The following CACNB2 variants were observed in gnomAD, a reference collection of about 807,000 sequenced individuals.
The protein encoded by CACNB2 is voltage-dependent L-type calcium channel subunit beta-2.
CACNB2 carries 42 observed loss-of-function variants against 73.3 expected under a neutral mutation model. The observed-to-expected ratio is 0.57, with a 90% CI of 0.45 to 0.74. The LOEUF (loss-of-function observed/expected upper bound fraction) is 0.74, where lower values mean the gene tolerates loss of function less well. Among genes scored for constraint, CACNB2 ranks in the 30% least tolerant of loss-of-function variants. The pLI, the probability that CACNB2 is intolerant of heterozygous loss-of-function variation, is 0.00. For synonymous variants in CACNB2, 348 were observed against 310.3 expected (o/e 1.12, Z -1.28); for missense variants, 940 against 853.0 (o/e 1.10, Z -1.27).
intron 2 of CACNB2, among the ~76,000 whole-genome samples, chr10:18,154,268 A>G (rs1036083730): frequency 4.6e-5 from 7 of 151,876 alleles, no homozygotes; most frequent in Non-Finnish European, 8.8e-5. Flanking sequence ...AAAATTTGAC[A>G]TAAAGGAAAG....
intron 2 of CACNB2, among the ~76,000 whole-genome samples, chr10:18,193,020 C>G (rs1276974240): frequency 6.6e-6 from 1 of 152,094 alleles, no homozygotes; most frequent in Non-Finnish European, 1.5e-5. Context: ...AATAGAATTG[C>G]AGGGTCATGT....
intron 3 of CACNB2, among the ~76,000 whole-genome samples, chr10:18,462,794 T>C (rs928739262): frequency 5.3e-5 from 8 of 152,172 alleles, no homozygotes; most frequent in African/African-American, 1.7e-4. Context: ...AATCTCACTC[T>C]GTTGCCCAGG....
At chr10:18,276,568 G>A (rs948897820) in intron 2 of CACNB2, among the ~76,000 whole-genome samples, 2 of 150,854 alleles carry the variant, frequency 1.3e-5, no homozygotes, top group Admixed American at 6.6e-5. Context: ...AGAGCTTTGG[G>A]AGGCCAAGGC....
intron 2 of CACNB2, among the ~76,000 whole-genome samples, chr10:18,378,546 G>A (rs572946823): frequency 6.6e-6 from 1 of 152,224 alleles, no homozygotes; most frequent in East Asian, 1.9e-4. Context: ...CCCAGAAGTT[G>A]GAGACCAGCC....
intron 2 of CACNB2, among the ~76,000 whole-genome samples, chr10:18,388,507 C>A (rs1204267799): frequency 1.3e-5 from 2 of 152,128 alleles, no homozygotes; most frequent in Non-Finnish European, 2.9e-5. Context: ...TACTCCACAC[C>A]ACTGGCATTT....
chr10:18,414,424 G>A lies in CACNB2; in HGVS notation c.333+12381G>A, dbSNP rs538649083. On this transcript the variant is annotated intron_variant, in intron 3 of 13. Coordinates refer to ENST00000324631, the MANE Select transcript of CACNB2 (RefSeq NM_201596.3). The stretch of plus-strand genomic sequence containing the variant: ...TTAAGCTAGTTTTAACTTTCTTATG[G>A]GTAACAGTCACATGTTTTAAAAGGA... Among the ~76,000 whole-genome samples the A allele has an allele frequency of 4.0e-5, 6 of 151,558 alleles. No individual in the cohort carries two copies. In the East Asian group the frequency reaches 1.2e-3, roughly 29 times the overall value.
At chr10:18,186,154 G>A (rs897948060) in intron 2 of CACNB2, among the ~76,000 whole-genome samples, 11 of 152,034 alleles carry the variant, frequency 7.2e-5, no homozygotes, top group South Asian at 2.1e-4. Flanking sequence ...GCATGGTAGC[G>A]CACACCTGTA....
At chr10:18,424,283 G>A (rs2045481285) in intron 3 of CACNB2, among the ~76,000 whole-genome samples, 1 of 152,128 alleles carries the variant, frequency 6.6e-6, no homozygotes, top group South Asian at 2.1e-4. Context: ...TGCAGAGCAA[G>A]GCTACCCTGT....
chr10:18,172,459 G>T (rs2033309080), intron 2 of CACNB2, among the ~76,000 whole-genome samples: 1 of 152,154 alleles, frequency 6.6e-6, no homozygotes. Context: ...GATGCCATTT[G>T]ATTGTGTTTT....
At chr10:18,202,746 T>G (rs1188212561) in intron 2 of CACNB2, among the ~76,000 whole-genome samples, 1 of 152,238 alleles carries the variant, frequency 6.6e-6, no homozygotes, top group Non-Finnish European at 1.5e-5. Context: ...TCTTCTGTGT[T>G]GTGGCTGTGG....
At chr10:18,170,518 A>C (rs934242900) in intron 2 of CACNB2, among the ~76,000 whole-genome samples, 3 of 152,206 alleles carry the variant, frequency 2.0e-5, no homozygotes, top group African/African-American at 7.2e-5. Flanking sequence ...ATATACTGGC[A>C]TCAGAACATG....
At chr10:18,214,768 G>T (rs549375167) in intron 2 of CACNB2, among the ~76,000 whole-genome samples, 1 of 152,004 alleles carries the variant, frequency 6.6e-6, no homozygotes, top group Admixed American at 6.6e-5. Flanking sequence ...GTTTGGGGCC[G>T]TTGATGTAAT....
chr10:18,536,433 T>C (rs1289966814), intron 12 of CACNB2, among the ~76,000 whole-genome samples: 2 of 151,524 alleles, frequency 1.3e-5, no homozygotes, highest in East Asian at 3.9e-4. Flanking sequence ...TAACTTTTTT[T>C]TTTCCCCCTG....
chr10:18,149,155 G>A (rs2031283228), intron 1 of CACNB2, among the ~76,000 whole-genome samples: 1 of 151,978 alleles, frequency 6.6e-6, no homozygotes, highest in Non-Finnish European at 1.5e-5. Flanking sequence ...TAGGTAATAA[G>A]TATTTTTGCA....
At chr10:18,497,402 A>C (rs2049902641) in intron 3 of CACNB2, among the ~76,000 whole-genome samples, 1 of 152,024 alleles carries the variant, frequency 6.6e-6, no homozygotes, top group African/African-American at 2.4e-5. Context: ...CTTATCTGTA[A>C]ATTCTTTTGG....
At chr10:18,202,419 C>A (rs546704726) in intron 2 of CACNB2, among the ~76,000 whole-genome samples, 4 of 152,234 alleles carry the variant, frequency 2.6e-5, no homozygotes, top group African/African-American at 7.2e-5. Flanking sequence ...AAATGAGCCA[C>A]CATATATTAT....
chr10:18,228,513 A>T (rs1310659185), intron 2 of CACNB2, among the ~76,000 whole-genome samples: 4 of 150,532 alleles, frequency 2.7e-5, no homozygotes, highest in Non-Finnish European at 5.9e-5. Context: ...AAAGCATCTT[A>T]TTAGTCTTAC....
chr10:18,481,779 A>T (rs2048792346), intron 3 of CACNB2, among the ~76,000 whole-genome samples: 1 of 152,168 alleles, frequency 6.6e-6, no homozygotes, highest in South Asian at 2.1e-4. Flanking sequence ...TGGAGAGCTG[A>T]GAAGTTGTCT....
At chr10:18,215,106 T>TTC (rs3068766) in intron 2 of CACNB2, among the ~76,000 whole-genome samples, 136,197 of 152,062 alleles carry the variant, frequency 0.9, 61,113 homozygotes, top group African/African-American at 0.93. Flanking sequence ...TACTGAGACT[T>TTC]TTTCCCTTCA....
Sources: allele counts gnomAD v4.1 joint callset (sites outside exome capture counted in the v4.1 genomes callset), GRCh38; gene constraint gnomAD v4.1.1; transcripts MANE v1.5; gene names NCBI Gene and HGNC (gene_info 2026-07-23, HGNC 2026-07-21).